CARF: variants seen among roughly 807,000 people sequenced by gnomAD.
CARF encodes calcium-responsive transcription factor.
In CARF, 57 loss-of-function variants were observed where a neutral mutation model predicts 82.0. The observed-to-expected ratio is 0.70, with a 90% CI of 0.56 to 0.87. CARF has a LOEUF of 0.87. Ranked by LOEUF, CARF falls within the 40% of genes least tolerant of loss-of-function variation. CARF has a pLI of 0.00. For missense variants in CARF, 771 were observed against 855.8 expected (o/e 0.90, Z 1.24); for synonymous variants, 268 against 290.1 (o/e 0.92, Z 0.77).
intron 9 of CARF, 147 bp downstream of exon 9, chr2:202,961,573 CT>C: frequency 1.5e-6 from 1 of 655,118 alleles, no homozygotes; most frequent in Non-Finnish European, 2.6e-6. Flanking sequence ...ATTGAAAAAA[CT>C]TATAGAAAAT....
At chr2:202,964,293 T>TG (rs376975470) in intron 9 of CARF, among the ~76,000 whole-genome samples, 22 of 151,826 alleles carry the variant, frequency 1.4e-4, no homozygotes, top group African/African-American at 5.1e-4. Context: ...TTTGTTTGTT[T>TG]TTTTGAGTCG....
At chr2:202,953,762 T>C (rs927792862) in intron 6 of CARF, among the ~76,000 whole-genome samples, 1 of 152,092 alleles carries the variant, frequency 6.6e-6, no homozygotes, top group Non-Finnish European at 1.5e-5. Flanking sequence ...ATACAATTAT[T>C]TCTACCACTT....
rs535382610 is a variant in CARF, at chr2:202,934,019, A to G, written c.-43-7841A>G. On this transcript the variant is annotated intron_variant, in intron 3 of 16. Coordinates refer to ENST00000438828, the MANE Select transcript of CARF (RefSeq NM_024744.17). ...AAAGATGGATTGTCTTGGGCCACAC[A>G]TAAAATACACTAATGTTAGCTGATG... Among the ~76,000 whole-genome samples, 6 of 152,268 alleles carry G rather than the reference A, an allele frequency of 3.9e-5. No homozygotes were observed. In the South Asian group the frequency reaches 1.0e-3, roughly 26 times the overall value.
chr2:202,977,171 C>T, intron 13 of CARF, 98 bp from the exon 14 acceptor site: 1 of 872,940 alleles, frequency 1.1e-6, no homozygotes. Flanking sequence ...CAGAATAAAT[C>T]ACATACTGTG....
intron 15 of CARF, 93 bp from the exon 16 acceptor site, chr2:202,981,979 G>T: frequency 1.5e-6 from 2 of 1,320,924 alleles, no homozygotes; most frequent in East Asian, 2.4e-5. Context: ...CTTTTTATTT[G>T]TTCGGATTTT....
At chr2:202,976,716 CTTT>C (rs5837834) in intron 13 of CARF, among the ~76,000 whole-genome samples, 6 of 139,992 alleles carry the variant, frequency 4.3e-5, no homozygotes, top group Non-Finnish European at 3.1e-5. Flanking sequence ...AACTCTTTGT[CTTT>C]TTTTTTTTTT....
chr2:202,949,721 T>C (rs1343185840), intron 5 of CARF, among the ~76,000 whole-genome samples: 1 of 151,760 alleles, frequency 6.6e-6, no homozygotes, highest in African/African-American at 2.4e-5. Flanking sequence ...CAGGTAATTT[T>C]AGTATTTTTA....
At position 202,953,826 on chromosome 2, in the gene CARF, A is replaced by G. The variant is rs572441100; in HGVS notation, c.428-179A>G. On this transcript the variant is annotated intron_variant, in intron 6 of 16. Coordinates refer to ENST00000438828, the MANE Select transcript of CARF (RefSeq NM_024744.17). ...TAAAAATTATAAAATTACAGTAGTC[A>G]GTATTATAATTTAAAGTAAACAAGT... Among the ~76,000 whole-genome samples, 3 of 152,272 alleles carry G rather than the reference A, an allele frequency of 2.0e-5. No individual in the cohort carries two copies. The South Asian group carries it at 6.2e-4, about 32-fold the overall frequency.
Position 202,955,713 on chromosome 2 carries a change from T to G in CARF, c.597T>G (p.Leu199=), listed in dbSNP as rs757294316. The G allele has an allele frequency of 1.9e-6, 3 of 1,612,378 alleles. No individual in the cohort carries two copies. Among genetic ancestry groups the G allele is most frequent in the Middle Eastern group, 1.6e-4 (1 of 6,080 alleles). Residue 199 remains leucine, a synonymous_variant, in exon 8 of 17, where the codon CTT becomes CTG. Coordinates refer to ENST00000438828, the MANE Select transcript of CARF (RefSeq NM_024744.17). The part of the protein sequence containing the change: ...EEPLLGPLQP[L]SSNTPIWACR... ...CCCTTCTGGGGCCTCTTCAGCCACT[T>G]TCTTCTAATACACCTATATGGGCCT... is the stretch of plus-strand genomic sequence containing the variant.
chr2:202,947,003 T>C (rs1487063884), intron 5 of CARF, among the ~76,000 whole-genome samples: 1 of 152,102 alleles, frequency 6.6e-6, no homozygotes, highest in Admixed American at 6.6e-5. Flanking sequence ...TGTGGAGAAA[T>C]AGGAACGCTT....
intron 12 of CARF, among the ~76,000 whole-genome samples, chr2:202,972,085 G>T (rs2059811203): frequency 6.6e-6 from 1 of 151,868 alleles, no homozygotes; most frequent in African/African-American, 2.4e-5. Flanking sequence ...TTAAAACCCA[G>T]GCCAAGATAC....
intron 10 of CARF, among the ~76,000 whole-genome samples, chr2:202,968,669 TC>T (rs1208566071): frequency 6.6e-6 from 1 of 152,156 alleles, no homozygotes; most frequent in African/African-American, 2.4e-5. Context: ...TTTCCATCAT[TC>T]TACAAGTACT....
chr2:202,932,612 G>A lies in CARF; in HGVS notation c.-44+8197G>A, dbSNP rs189956968. 7.2e-4 allele frequency among the ~76,000 whole-genome samples: 110 copies of A among 152,234 alleles called. 1 individual carries two copies. The highest frequency in any genetic ancestry group is 2.5e-3 in the African/African-American group (103 of 41,530). On this transcript the variant is annotated intron_variant, in intron 3 of 16. Transcript: ENST00000438828. Reference sequence around the variant, plus strand: ...GTGTAATAGTAACTGTAGTCCCTGGGAACTTGGCAGTATCTCAGACTCTGT... The same window carrying A: ...GTGTAATAGTAACTGTAGTCCCTGGAAACTTGGCAGTATCTCAGACTCTGT...
rs1456963467 is a variant in CARF, at chr2:202,984,529, C to T, written c.*905C>T. The T allele has an allele frequency of 1.3e-5, 2 of 152,114 alleles. No individual in the cohort carries two copies. The highest frequency in any genetic ancestry group is 1.9e-4 in the East Asian group (1 of 5,196). The allele number at this position is 152,114 out of a possible 1,614,324, so 9.4% of individuals were successfully genotyped here. ...CTTATTTTGTAATGAAGATCCAGCA[C>T]TGGTTAAAAAATAATTTGATTTGTA... On this transcript the variant is annotated 3_prime_UTR_variant, in exon 17 of 17. Coordinates refer to ENST00000438828, the MANE Select transcript of CARF (RefSeq NM_024744.17).
At chr2:202,945,153 TG>T (rs1166923621) in intron 5 of CARF, among the ~76,000 whole-genome samples, 1 of 152,208 alleles carries the variant, frequency 6.6e-6, no homozygotes, top group African/African-American at 2.4e-5. Context: ...TTCAGTGGAC[TG>T]TATTTTTTAG....
intron 9 of CARF, chr2:202,962,688 A>T (rs1035859261): frequency 2.3e-4 from 35 of 152,188 alleles, no homozygotes; most frequent in African/African-American, 8.4e-4. Context: ...TTGGATTTTT[A>T]AAAAATGTAT....
chr2:202,924,210 C>T (rs1442696808), intron 2 of CARF, 87 bp from the exon 3 acceptor site: 2 of 152,158 alleles, frequency 1.3e-5, no homozygotes, highest in Non-Finnish European at 2.9e-5. Flanking sequence ...AATATTTTTT[C>T]CCATCTGTAA....
chr2:202,916,146 G>A (rs1472002240), intron 1 of CARF, among the ~76,000 whole-genome samples: 2 of 149,170 alleles, frequency 1.3e-5, no homozygotes, highest in African/African-American at 5.0e-5. Context: ...ACTTTCTAAA[G>A]TACTTTTGAG....
intron 1 of CARF, among the ~76,000 whole-genome samples, chr2:202,917,468 C>T (rs1385978390): frequency 6.6e-6 from 1 of 151,908 alleles, no homozygotes; most frequent in African/African-American, 2.4e-5. Flanking sequence ...AGAAATAAGC[C>T]TGTCAATTCT....
Sources: gnomAD v4.1 joint callset for allele counts (sites outside exome capture counted in the v4.1 genomes callset) on GRCh38, gnomAD v4.1.1 for gene constraint, MANE v1.5 for transcripts, NCBI Gene and HGNC (gene_info 2026-07-23, HGNC 2026-07-21) for gene names.